Variants in BIRC6 observed in about 807,000 individuals in gnomAD.
BIRC6 encodes baculoviral IAP repeat containing 6, also known as dual E2 ubiquitin-conjugating enzyme/E3 ubiquitin-protein ligase BIRC6.
Under a neutral mutation model 503.3 loss-of-function variants are expected in BIRC6, and 98 were observed. The ratio of observed to expected loss-of-function variants is 0.19; its 90% CI spans 0.17 to 0.23. The LOEUF (loss-of-function observed/expected upper bound fraction) is 0.23, where lower values mean the gene tolerates loss of function less well. Among genes scored for constraint, BIRC6 ranks in the 10% least tolerant of loss-of-function variants. The probability of loss-of-function intolerance (pLI) is 1.00; values close to 1 mark genes in which losing one functional copy is unlikely to be tolerated. For missense variants in BIRC6, 5,360 were observed against 5,806.0 expected (o/e 0.92, Z 2.50); for synonymous variants, 2,240 against 2,078.7 (o/e 1.08, Z -2.11).
chr2:32,433,614 T>G, intron 12 of BIRC6, 30 bp from the exon 13 acceptor site: 2 of 1,507,528 alleles, frequency 1.3e-6, no homozygotes, highest in Non-Finnish European at 1.8e-6. Flanking sequence ...GATTTTTGCT[T>G]TATTTAGCAT....
intron 61 of BIRC6, among the ~76,000 whole-genome samples, chr2:32,542,516 TA>T (rs1443476976): frequency 6.6e-6 from 1 of 152,178 alleles, no homozygotes; most frequent in Non-Finnish European, 1.5e-5. Context: ...AAGAAGAGAA[TA>T]TTTTTCCTTA....
intron 66 of BIRC6, among the ~76,000 whole-genome samples, chr2:32,583,366 C>T (rs915201580): frequency 9.2e-5 from 14 of 152,114 alleles, no homozygotes; most frequent in Non-Finnish European, 1.8e-4. Flanking sequence ...CCTAATACCC[C>T]CTTTCAAGAG....
intron 23 of BIRC6, among the ~76,000 whole-genome samples, chr2:32,461,690 G>A (rs936270877): frequency 2.6e-5 from 4 of 151,262 alleles, no homozygotes; most frequent in Admixed American, 2.6e-4. Flanking sequence ...AATTTTATTA[G>A]AATTCTGGCA....
At position 32,445,572 on chromosome 2, in the gene BIRC6, T is replaced by A. The variant is rs2045866180; in HGVS notation, c.4388T>A (p.Leu1463Gln). Residue 1463 changes from leucine (L) to glutamine (Q), a missense_variant, in exon 21 of 74, where the codon CTG becomes CAG. Physicochemically the swap from Leu to Gln is moderately radical, Grantham distance 113. This residue lies in a region of BIRC6 where 2,299 missense variants were observed against 2,267.2 expected (regional missense o/e 1.01). Transcript: ENST00000421745. Reference sequence around the variant, plus strand: ...CTGAATTATGTGAAAGATGAAGATCTGGCTGGATGCAGTACAGCTTGTGCA... The same window carrying A: ...CTGAATTATGTGAAAGATGAAGATCAGGCTGGATGCAGTACAGCTTGTGCA... ...VLLNYVKDED[L>Q]AGCSTACASL... 2 of 1,605,414 alleles carry A rather than the reference T, an allele frequency of 1.2e-6. No homozygotes were observed.
At chr2:32,391,405 C>G (rs1354136281) in intron 4 of BIRC6, among the ~76,000 whole-genome samples, 1 of 152,086 alleles carries the variant, frequency 6.6e-6, no homozygotes, top group Non-Finnish European at 1.5e-5. Context: ...TGAGATAGGT[C>G]TTCTGTTCTA....
At chr2:32,382,912 T>C (rs1207361514) in intron 3 of BIRC6, among the ~76,000 whole-genome samples, 1 of 150,976 alleles carries the variant, frequency 6.6e-6, no homozygotes, top group Non-Finnish European at 1.5e-5. Flanking sequence ...TTAATAGACA[T>C]GGGGTTTCAC....
At position 32,467,691 on chromosome 2, in the gene BIRC6, A is replaced by G; in HGVS notation, c.5523A>G (p.Ser1841=). ...TGGCAACTGATATAAGCACTCATTC[A>G]CTAATTCTTCATGACTTAATACCAC... ...LVVATDISTH[S]LILHDLIPPP... is the part of the protein sequence containing the mutation. Residue 1841 remains serine, a synonymous_variant, in exon 27 of 74, where the codon TCA becomes TCG. Coordinates refer to ENST00000421745, the MANE Select transcript of BIRC6 (RefSeq NM_016252.4). 1 of 1,613,932 alleles carries G rather than the reference A, an allele frequency of 6.2e-7. No individual in the cohort carries two copies. Among genetic ancestry groups the G allele is most frequent in the South Asian group, 1.1e-5 (1 of 91,064 alleles).
intron 3 of BIRC6, among the ~76,000 whole-genome samples, chr2:32,387,106 A>G (rs1392064517): frequency 6.6e-6 from 1 of 152,108 alleles, no homozygotes; most frequent in Non-Finnish European, 1.5e-5. Flanking sequence ...TGCCTGAAAG[A>G]TCTTTTCCCC....
chr2:32,377,559 T>C (rs893718710), intron 1 of BIRC6, 29 bp from the exon 2 acceptor site: 1 of 1,560,970 alleles, frequency 6.4e-7, no homozygotes, highest in African/African-American at 1.4e-5. Flanking sequence ...CTGAAAATCT[T>C]AAGTGTTGAA....
At chr2:32,432,371 C>T (rs548873142) in intron 12 of BIRC6, among the ~76,000 whole-genome samples, 102 of 152,186 alleles carry the variant, frequency 6.7e-4, no homozygotes, top group African/African-American at 1.9e-3. Context: ...GCCAAGATTA[C>T]GCCCCACTGC....
chr2:32,514,257 C>G (rs547281216), intron 54 of BIRC6, among the ~76,000 whole-genome samples: 1 of 152,090 alleles, frequency 6.6e-6, no homozygotes, highest in South Asian at 2.1e-4. Context: ...GGAGTTAGAG[C>G]CCACACTGAC....
intron 4 of BIRC6, among the ~76,000 whole-genome samples, chr2:32,389,889 T>G (rs1251508195): frequency 2.6e-4 from 36 of 138,138 alleles, no homozygotes; most frequent in Non-Finnish European, 4.6e-4. Context: ...GAGATAGAGT[T>G]TCGCTCGTTG....
chr2:32,380,124 GA>G (rs766035622), intron 2 of BIRC6, 28 bp from the exon 3 acceptor site: 12 of 1,435,630 alleles, frequency 8.4e-6, no homozygotes, highest in South Asian at 1.5e-5. Context: ...AATTTTCTGT[GA>G]TTTTTTTATT....
At chr2:32,534,623 CG>C (rs1402277068) in intron 61 of BIRC6, among the ~76,000 whole-genome samples, 1 of 145,914 alleles carries the variant, frequency 6.9e-6, no homozygotes, top group Non-Finnish European at 1.5e-5. Context: ...CCCAGCTACT[CG>C]GGAGGCTGAG....
At chr2:32,369,437 T>G (rs1183271280) in intron 1 of BIRC6, among the ~76,000 whole-genome samples, 1 of 151,746 alleles carries the variant, frequency 6.6e-6, no homozygotes, top group African/African-American at 2.4e-5. Flanking sequence ...GATTTTTTTT[T>G]TTTTTTTTGA....
intron 22 of BIRC6, among the ~76,000 whole-genome samples, chr2:32,451,280 A>G (rs1345953470): frequency 6.6e-6 from 1 of 152,118 alleles, no homozygotes; most frequent in African/African-American, 2.4e-5. Context: ...TTGCCACTTT[A>G]TCTTGTGTCA....
intron 22 of BIRC6, among the ~76,000 whole-genome samples, chr2:32,450,198 G>T (rs1197169892): frequency 6.6e-6 from 1 of 152,164 alleles, no homozygotes; most frequent in African/African-American, 2.4e-5. Flanking sequence ...TGATATGTCG[G>T]CCGGGCACGG....
Position 32,531,431 on chromosome 2 carries a change from G to A in BIRC6, c.12171G>A (p.Leu4057=), listed in dbSNP as rs1325849119. 3.1e-6 allele frequency: 5 copies of A among 1,613,736 alleles called. No individual in the cohort carries two copies. The highest frequency in any genetic ancestry group is 3.4e-6 in the Non-Finnish European group (4 of 1,179,830). ...TPGDECMDGI[L]DESLLETCPI... is the part of the protein sequence containing the mutation. ...GTGATGAATGCATGGATGGGATACT[G>A]GATGAATCTTTGCTTGAAACCTGTC... Residue 4057 remains leucine (L), a synonymous_variant, in exon 61 of 74, where the codon CTG becomes CTA. Coordinates refer to ENST00000421745, the MANE Select transcript of BIRC6 (RefSeq NM_016252.4).
intron 66 of BIRC6, among the ~76,000 whole-genome samples, chr2:32,589,593 A>G (rs1163772508): frequency 6.6e-6 from 1 of 152,208 alleles, no homozygotes; most frequent in Admixed American, 6.5e-5. Flanking sequence ...TTAGCCAGAT[A>G]GCATTTGTTA....
Sources: allele counts gnomAD v4.1 joint callset (sites outside exome capture counted in the v4.1 genomes callset), GRCh38; gene constraint gnomAD v4.1.1; regional missense constraint gnomAD v4.1.1; transcripts MANE v1.5; gene names NCBI Gene and HGNC (gene_info 2026-07-23, HGNC 2026-07-21).